Variants in TREML2 observed in about 807,000 individuals in gnomAD.
TREML2 encodes trem-like transcript 2 protein.
Under a neutral mutation model 25.9 loss-of-function variants are expected in TREML2, and 24 were observed. The observed-to-expected ratio is 0.93, with a 90% CI of 0.67 to 1.30. The LOEUF (loss-of-function observed/expected upper bound fraction) is 1.30, where lower values mean the gene tolerates loss of function less well. Ranked by LOEUF, TREML2 falls within the 50% of genes most tolerant of loss-of-function variation. TREML2 has a pLI of 0.00. For synonymous variants in TREML2, 139 were observed against 155.2 expected (o/e 0.90, Z 0.77); for missense variants, 359 against 395.6 (o/e 0.91, Z 0.78).
At chr6:41,193,248 T>G (rs961614010) in intron 3 of TREML2, among the ~76,000 whole-genome samples, 12 of 152,098 alleles carry the variant, frequency 7.9e-5, no homozygotes, top group African/African-American at 2.9e-4. Flanking sequence ...GTTCCCCCAC[T>G]CTATCCTCTG....
intron 1 of TREML2, 101 bp downstream of exon 1, chr6:41,200,853 C>G: frequency 9.0e-7 from 1 of 1,111,798 alleles, no homozygotes; most frequent in Non-Finnish European, 1.2e-6. Flanking sequence ...CCACAAAACA[C>G]TAAACAAGAA....
At chr6:41,199,537 T>C (rs938948254) in intron 1 of TREML2, among the ~76,000 whole-genome samples, 3 of 152,234 alleles carry the variant, frequency 2.0e-5, no homozygotes, top group African/African-American at 4.8e-5. Context: ...AGGAGTAAGA[T>C]GTGGTCCAAG....
Position 41,197,775 on chromosome 6 carries a change from G to T in TREML2, c.376+334C>A, listed in dbSNP as rs190976574. ...CTGTCTCCTTAGAGCCTAGAATAGTGCCTGCCCCATAATAGGGGCTCAATG... is the reference window on the plus strand; with the variant it reads ...CTGTCTCCTTAGAGCCTAGAATAGTTCCTGCCCCATAATAGGGGCTCAATG... On this transcript the variant is annotated intron_variant, in intron 2 of 4. Transcript: ENST00000483722. 3.5e-3 allele frequency among the ~76,000 whole-genome samples: 534 copies of T among 152,270 alleles called. 1 individual carries two copies. The highest frequency in any genetic ancestry group is 5.8e-3 in the Admixed American group (89 of 15,298).
At chr6:41,194,396 T>C in intron 3 of TREML2, 29 bp downstream of exon 3, 1 of 1,514,870 alleles carries the variant, frequency 6.6e-7, no homozygotes, top group Non-Finnish European at 8.9e-7. Context: ...TAAGTGCTGG[T>C]GCCACTCAAC....
chr6:41,192,845 A>C lies in TREML2; in HGVS notation c.842T>G (p.Met281Arg). 2 of 1,610,846 alleles carry C rather than the reference A, an allele frequency of 1.2e-6. No homozygotes were observed. The highest frequency in any genetic ancestry group is 1.7e-6 in the Non-Finnish European group (2 of 1,178,262). ...CCAAAACCCATAGACCATGATCAGC[A>C]TCAGCACCAGGAGGGTCAGCACCAC... ...LGVVLTLLVLMLIMVYGFWKK... is the reference protein window; with the variant it reads ...LGVVLTLLVLRLIMVYGFWKK... The change falls in exon 4 of 5, where the codon ATG becomes AGG. Residue 281 changes from methionine to arginine, a missense_variant. Coordinates refer to ENST00000483722, the MANE Select transcript of TREML2 (RefSeq NM_024807.4).
intron 4 of TREML2, 62 bp downstream of exon 4, chr6:41,192,739 A>G: frequency 6.8e-7 from 1 of 1,471,362 alleles, no homozygotes; most frequent in Non-Finnish European, 9.4e-7. Context: ...TCGAGGTCAT[A>G]ACCCTTAGTG....
chr6:41,199,141 C>A (rs774634815), intron 1 of TREML2, among the ~76,000 whole-genome samples: 43 of 152,158 alleles, frequency 2.8e-4, no homozygotes, highest in Non-Finnish European at 1.0e-4. Flanking sequence ...GGATTGCAGG[C>A]GTGAGCCACT....
In TREML2 at chr6:41,190,937, T is replaced by C. The variant is rs1279592434; in HGVS notation, c.*1490A>G. Reference sequence around the variant, plus strand: ...TCTTCAGCCTCAGTCTTCCCTCTATTGCCCTCTCCTGGACATAGGGAAGAA... The same window carrying C: ...TCTTCAGCCTCAGTCTTCCCTCTATCGCCCTCTCCTGGACATAGGGAAGAA... On this transcript the variant is annotated 3_prime_UTR_variant, in exon 5 of 5. Transcript: ENST00000483722. The C allele has an allele frequency of 6.6e-6, 1 of 152,298 alleles. No individual in the cohort carries two copies. The highest frequency in any genetic ancestry group is 2.4e-5 in the African/African-American group (1 of 41,322). 9.4% of individuals were successfully genotyped at this position (152,298 alleles called of 1,614,324 possible). A position where few individuals can be genotyped will look rare whatever the true frequency, so the allele number is the denominator to read the frequency against.
chr6:41,197,601 A>G (rs1032181687), intron 2 of TREML2, among the ~76,000 whole-genome samples: 2 of 151,968 alleles, frequency 1.3e-5, no homozygotes, highest in Admixed American at 6.6e-5. Flanking sequence ...CGAGTCGCTT[A>G]CTAGTTCATG....
chr6:41,192,329 C>T lies in TREML2; in HGVS notation c.*98G>A, dbSNP rs2113902022. On this transcript the variant is annotated 3_prime_UTR_variant, in exon 5 of 5. Transcript: ENST00000483722. Reference sequence around the variant, plus strand: ...GTGAGTCCAGCACTGCACAAGTCCTCCAGCTTCATAAGATCGATACTGGCC... The same window carrying T: ...GTGAGTCCAGCACTGCACAAGTCCTTCAGCTTCATAAGATCGATACTGGCC... The T allele has an allele frequency of 2.0e-6, 2 of 1,002,272 alleles. No homozygotes were observed. Among genetic ancestry groups the T allele is most frequent in the Middle Eastern group, 2.0e-4 (1 of 4,934 alleles). 62.1% of individuals were successfully genotyped at this position (1,002,272 alleles called of 1,614,324 possible).
In TREML2 at chr6:41,191,222, T is replaced by TGTGTGTGTGTGTGTG. The variant is rs71305799; in HGVS notation, c.*1204_*1205insCACACACACACACAC. ...GTGTGTGTGTGTGTGTGTGTGTGTG[T>TGTGTGTGTGTGTGTG]AGGGGAATCCAGGCTGCATTCTCCA... On this transcript the variant is annotated 3_prime_UTR_variant, in exon 5 of 5. Transcript: ENST00000483722. 1 of 118,318 alleles carries TGTGTGTGTGTGTGTG rather than the reference T, an allele frequency of 8.5e-6. No individual in the cohort carries two copies. The highest frequency in any genetic ancestry group is 1.7e-5 in the Non-Finnish European group (1 of 58,632). The allele number at this position is 118,318 out of a possible 1,614,324, so 7.3% of individuals were successfully genotyped here. A position where few individuals can be genotyped will look rare whatever the true frequency, so the allele number is the denominator to read the frequency against.
Position 41,198,166 on chromosome 6 carries a change from G to T in TREML2, c.319C>A (p.Arg107Ser), listed in dbSNP as rs777126454. 6.2e-7 allele frequency: 1 copy of T among 1,613,796 alleles called. No homozygotes were observed. Among genetic ancestry groups the T allele is most frequent in the Non-Finnish European group, 8.5e-7 (1 of 1,179,740 alleles). The change falls in exon 2 of 5, where the codon CGC becomes AGC. Residue 107 changes from arginine to serine, a missense_variant. Arg to Ser is a moderately radical substitution (Grantham distance 110). Coordinates refer to ENST00000483722, the MANE Select transcript of TREML2 (RefSeq NM_024807.4). ...LQDSGRYWCM[R>S]NTSGILYPLM... is the part of the protein sequence containing the mutation. Reference sequence around the variant, plus strand: ...GGGTACAGGATCCCAGAGGTGTTGCGCATGCACCAGTATCGGCCTGAGTCC... The same window carrying T: ...GGGTACAGGATCCCAGAGGTGTTGCTCATGCACCAGTATCGGCCTGAGTCC...
intron 1 of TREML2, among the ~76,000 whole-genome samples, chr6:41,199,728 A>C (rs369327297): frequency 2.0e-5 from 3 of 151,628 alleles, no homozygotes; most frequent in East Asian, 3.9e-4. Context: ...ATATAAAAAG[A>C]CTCTCCCCCA....
chr6:41,193,496 C>T (rs1449344539), intron 3 of TREML2, among the ~76,000 whole-genome samples: 3 of 152,044 alleles, frequency 2.0e-5, no homozygotes, highest in South Asian at 2.1e-4. Context: ...TGACTCTCCC[C>T]GTTGGGATTA....
In TREML2 at chr6:41,194,421, G is replaced by T. The variant is rs1399476826; in HGVS notation, c.785+4C>A. 1.3e-6 allele frequency: 2 copies of T among 1,551,700 alleles called. No homozygotes were observed. Among genetic ancestry groups the T allele is most frequent in the South Asian group, 1.2e-5 (1 of 84,072 alleles). On this transcript the variant is annotated splice_donor_region_variant and intron_variant, in intron 3 of 4. Coordinates refer to ENST00000483722, the MANE Select transcript of TREML2 (RefSeq NM_024807.4). The stretch of plus-strand genomic sequence containing the variant: ...TGCCACTCAACCCCAGGCCCCACAG[G>T]TACCTGATGGAGGGCATGGAGGGTA...
At chr6:41,193,273 G>A (rs1766099937) in intron 3 of TREML2, among the ~76,000 whole-genome samples, 1 of 152,046 alleles carries the variant, frequency 6.6e-6, no homozygotes, top group Non-Finnish European at 1.5e-5. Flanking sequence ...AGATGCTGTC[G>A]GGCCCCTGCC....
Position 41,194,444 on chromosome 6 carries a change from G to T in TREML2, c.766C>A (p.Pro256Thr). Residue 256 changes from proline to threonine, a missense_variant, in exon 3 of 5, where the codon CCC becomes ACC. Coordinates refer to ENST00000483722, the MANE Select transcript of TREML2 (RefSeq NM_024807.4). ...AGGTACCTGATGGAGGGCATGGAGG[G>T]TAGTCTGTTGAGGAGAGATCTGCTG... ...LTSRSLLNRL[P>T]SMPSIRHQDV... 1 of 1,582,314 alleles carries T rather than the reference G, an allele frequency of 6.3e-7. No individual in the cohort carries two copies. Among genetic ancestry groups the T allele is most frequent in the Non-Finnish European group, 8.6e-7 (1 of 1,163,492 alleles).
chr6:41,198,041 G>C (rs1448714255), intron 2 of TREML2, 68 bp downstream of exon 2: 10 of 1,399,856 alleles, frequency 7.1e-6, no homozygotes, highest in Non-Finnish European at 9.6e-6. Context: ...TATTATCTCT[G>C]ATGTTAGTGG....
intron 2 of TREML2, among the ~76,000 whole-genome samples, chr6:41,197,782 C>A (rs183507818): frequency 8.5e-5 from 13 of 152,224 alleles, no homozygotes; most frequent in Admixed American, 2.0e-4. Context: ...AGTGCCTGCC[C>A]CATAATAGGG....
Sources: allele counts gnomAD v4.1 joint callset (sites outside exome capture counted in the v4.1 genomes callset), GRCh38; gene constraint gnomAD v4.1.1; transcripts MANE v1.5; gene names NCBI Gene and HGNC (gene_info 2026-07-23, HGNC 2026-07-21).